Variants in ST7L observed in about 807,000 individuals in gnomAD.
The protein encoded by ST7L is suppressor of tumorigenicity 7 protein-like.
ST7L carries 57 observed loss-of-function variants against 72.5 expected under a neutral mutation model. That is an observed-to-expected ratio of 0.79 (90% CI 0.64 to 0.98). The LOEUF (loss-of-function observed/expected upper bound fraction) is 0.98, where lower values mean the gene tolerates loss of function less well. ST7L is among the 50% of genes least tolerant of loss of function. The probability of loss-of-function intolerance (pLI) is 0.00; values close to 1 mark genes in which losing one functional copy is unlikely to be tolerated. For missense variants in ST7L, 576 were observed against 672.2 expected (o/e 0.86, Z 1.58); for synonymous variants, 221 against 240.9 (o/e 0.92, Z 0.77).
intron 5 of ST7L, among the ~76,000 whole-genome samples, chr1:112,595,595 C>A (rs1203800671): frequency 4.0e-5 from 6 of 151,742 alleles, no homozygotes; most frequent in Admixed American, 3.3e-4. Context: ...GAATTTTAAA[C>A]TTTTTTTGTA....
chr1:112,549,661 C>T (rs757978449), intron 13 of ST7L, among the ~76,000 whole-genome samples: 1 of 152,066 alleles, frequency 6.6e-6, no homozygotes, highest in Admixed American at 6.6e-5. Context: ...CTGTTGAACT[C>T]ATTTATTAGT....
intron 3 of ST7L, among the ~76,000 whole-genome samples, chr1:112,601,346 C>T (rs1205293531): frequency 1.3e-5 from 2 of 152,072 alleles, no homozygotes; most frequent in Non-Finnish European, 2.9e-5. Flanking sequence ...CCCGGGTTCA[C>T]GCCATTCTCC....
At chr1:112,591,016 C>T (rs1225317199) in intron 6 of ST7L, among the ~76,000 whole-genome samples, 1 of 151,112 alleles carries the variant, frequency 6.6e-6, no homozygotes, top group African/African-American at 2.4e-5. Context: ...CTACAAACTC[C>T]ACCTCCCGGG....
At chr1:112,586,826 T>G (rs191875903) in intron 6 of ST7L, among the ~76,000 whole-genome samples, 40 of 152,312 alleles carry the variant, frequency 2.6e-4, no homozygotes, top group Non-Finnish European at 4.6e-4. Flanking sequence ...TTCAATAATT[T>G]TTAATATATT....
chr1:112,542,765 A>G (rs1656337019), intron 13 of ST7L, among the ~76,000 whole-genome samples: 1 of 150,920 alleles, frequency 6.6e-6, no homozygotes, highest in South Asian at 2.1e-4. Flanking sequence ...ATAAATAAAT[A>G]AATAAATAAA....
intron 13 of ST7L, among the ~76,000 whole-genome samples, chr1:112,547,031 T>C (rs1657194649): frequency 6.6e-6 from 1 of 151,918 alleles, no homozygotes; most frequent in African/African-American, 2.4e-5. Context: ...GGCAACATAG[T>C]CAAAGCTTGA....
At chr1:112,587,256 A>G (rs1665003751) in intron 6 of ST7L, among the ~76,000 whole-genome samples, 1 of 152,190 alleles carries the variant, frequency 6.6e-6, no homozygotes, top group Non-Finnish European at 1.5e-5. Context: ...TTCTTCCACC[A>G]TCATTGTTGA....
chr1:112,574,458 G>A (rs1480742443), intron 11 of ST7L, among the ~76,000 whole-genome samples: 4 of 151,776 alleles, frequency 2.6e-5, no homozygotes, highest in Non-Finnish European at 4.4e-5. Context: ...AGGAGATCGA[G>A]ACCATCCTGG....
downstream of ST7L, among the ~76,000 whole-genome samples, chr1:112,518,725 G>A (rs910078109): frequency 3.3e-5 from 5 of 152,142 alleles, no homozygotes; most frequent in African/African-American, 1.2e-4. Flanking sequence ...TAAGTCAAAT[G>A]TGTGTTCGTT....
At chr1:112,589,734 G>A (rs1665405493) in intron 6 of ST7L, among the ~76,000 whole-genome samples, 1 of 152,212 alleles carries the variant, frequency 6.6e-6, no homozygotes, top group African/African-American at 2.4e-5. Context: ...TGGGCTCTGT[G>A]TGGGTGCTAG....
intron 3 of ST7L, among the ~76,000 whole-genome samples, chr1:112,606,181 G>A (rs183233275): frequency 1.3e-5 from 2 of 152,294 alleles, no homozygotes; most frequent in African/African-American, 4.8e-5. Context: ...TGTCTTCAGA[G>A]CAAGTTTTCT....
In ST7L at chr1:112,540,116, A is replaced by G. The variant is rs542629605; in HGVS notation, c.1629+1835T>C. 39 of 985,462 alleles carry G rather than the reference A, an allele frequency of 4.0e-5. No individual in the cohort carries two copies. In the African/African-American group the frequency reaches 6.3e-4, roughly 16 times the overall value. 61.0% of individuals were successfully genotyped at this position (985,462 alleles called of 1,614,324 possible). ...CTGCCTAGGTAAAGGCAGACACTAT[A>G]AACATTAATTGTAGCTTGCACCCCA... On this transcript the variant is annotated intron_variant, in intron 14 of 14. Coordinates refer to ENST00000358039, the MANE Select transcript of ST7L (RefSeq NM_017744.5).
At chr1:112,600,697 T>A in intron 4 of ST7L, 97 bp downstream of exon 4, 1 of 1,032,086 alleles carries the variant, frequency 9.7e-7, no homozygotes. Flanking sequence ...TATCTTCTAC[T>A]AGAAGAGCTG....
intron 13 of ST7L, among the ~76,000 whole-genome samples, chr1:112,547,246 G>A (rs1379653687): frequency 6.7e-6 from 1 of 148,646 alleles, no homozygotes; most frequent in East Asian, 2.0e-4. Flanking sequence ...AGGCTGGAGT[G>A]CAGTGGCACG....
At chr1:112,613,220 T>TA (rs1380857319) in intron 2 of ST7L, among the ~76,000 whole-genome samples, 1 of 152,156 alleles carries the variant, frequency 6.6e-6, no homozygotes, top group African/African-American at 2.4e-5. Flanking sequence ...GAGTATGAAG[T>TA]TAGGGGCTTT....
intron 3 of ST7L, among the ~76,000 whole-genome samples, chr1:112,606,262 A>AG (rs1486121508): frequency 2.6e-5 from 4 of 152,196 alleles, no homozygotes; most frequent in Non-Finnish European, 5.9e-5. Flanking sequence ...TTGCTTAACA[A>AG]GGGCTTCTCC....
intron 13 of ST7L, among the ~76,000 whole-genome samples, chr1:112,547,853 C>G (rs1374541317): frequency 6.6e-6 from 1 of 151,938 alleles, no homozygotes; most frequent in South Asian, 2.1e-4. Context: ...CGTGAGCCAT[C>G]GTTCCTGGCC....
At chr1:112,530,280 C>T (rs1418909356) in intron 14 of ST7L, 1 of 152,190 alleles carries the variant, frequency 6.6e-6, no homozygotes, top group Non-Finnish European at 1.5e-5. Flanking sequence ...ATAATATTTG[C>T]ATGAGTAGTT....
chr1:112,571,539 G>C (rs751977304), intron 11 of ST7L, among the ~76,000 whole-genome samples: 1 of 152,104 alleles, frequency 6.6e-6, no homozygotes, highest in Non-Finnish European at 1.5e-5. Context: ...TGATTCTCCT[G>C]CCTCAGCCTC....
Sources: allele counts gnomAD v4.1 joint callset (sites outside exome capture counted in the v4.1 genomes callset), GRCh38; gene constraint gnomAD v4.1.1; transcripts MANE v1.5; gene names NCBI Gene and HGNC (gene_info 2026-07-23, HGNC 2026-07-21).